The following TSG101 variants were observed in gnomAD, a reference collection of about 807,000 sequenced individuals.
TSG101 encodes the protein tumor susceptibility gene 101 protein.
A neutral mutation model predicts 48.5 loss-of-function variants in TSG101; 19 were observed. The observed-to-expected ratio is 0.39, with a 90% CI of 0.27 to 0.58. TSG101 has a LOEUF of 0.58. Ranked by LOEUF, TSG101 falls within the 20% of genes least tolerant of loss-of-function variation. The pLI is 0.55. For missense variants in TSG101, 365 were observed against 484.4 expected, an observed-to-expected ratio of 0.75 and a Z score of 2.31; for synonymous variants, 174 against 169.4, an observed-to-expected ratio of 1.03 and a Z score of -0.21.
At chr11:18,523,729 T>C (rs2133935923) in intron 1 of TSG101, among the ~76,000 whole-genome samples, 1 of 152,338 alleles carries the variant, frequency 6.6e-6, no homozygotes, top group Non-Finnish European at 1.5e-5. Context: ...CCAAAACTCC[T>C]GACCTCAAGT....
intron 1 of TSG101, among the ~76,000 whole-genome samples, chr11:18,522,565 C>T (rs72871768): frequency 6.6e-6 from 1 of 152,158 alleles, no homozygotes; most frequent in African/African-American, 2.4e-5. Flanking sequence ...AGCCTCCTTA[C>T]GTGTCTCTGC....
chr11:18,516,506 G>A (rs1023325718), intron 2 of TSG101, among the ~76,000 whole-genome samples: 2 of 151,674 alleles, frequency 1.3e-5, no homozygotes, highest in African/African-American at 4.8e-5. Context: ...CACCACACCT[G>A]ACTAATTTTT....
At chr11:18,494,436 C>T (rs1849745388) in intron 7 of TSG101, among the ~76,000 whole-genome samples, 1 of 152,214 alleles carries the variant, frequency 6.6e-6, no homozygotes, top group Non-Finnish European at 1.5e-5. Flanking sequence ...TCAGCTTCTC[C>T]TACCTTTCCT....
chr11:18,480,694 A>AAAT (rs1429587066), intron 9 of TSG101, 59 bp from the exon 10 acceptor site: 3 of 1,508,382 alleles, frequency 2.0e-6, no homozygotes, highest in Non-Finnish European at 2.7e-6. Context: ...CCCAGGCATA[A>AAAT]AATAGACAAT....
chr11:18,498,357 C>CA (rs1231250808), intron 7 of TSG101, among the ~76,000 whole-genome samples: 2 of 151,848 alleles, frequency 1.3e-5, no homozygotes, highest in East Asian at 1.9e-4. Context: ...GCTGCTGTGT[C>CA]AAAAAAGAGA....
chr11:18,519,566 T>C lies in TSG101; in HGVS notation c.80A>G (p.Asn27Ser), dbSNP rs148985120. The C allele has an allele frequency of 7.3e-4, 1,170 of 1,613,108 alleles. No individual in the cohort carries two copies. Among genetic ancestry groups the C allele is most frequent in the Non-Finnish European group, 9.4e-4 (1,109 of 1,179,692 alleles). ...GAGATCTTTGTATAGAGTAATAACA[T>C]TGACAGTTTCACGTACAGTTAGGTC... is the stretch of plus-strand genomic sequence containing the variant. ...YRDLTVRETV[N>S]VITLYKDLKP... Residue 27 changes from asparagine (N) to serine (S), a missense_variant, in exon 2 of 10, where the codon AAT (asparagine) becomes AGT (serine). Physicochemically the swap from Asn to Ser is conservative, Grantham distance 46 (BLOSUM62 1). Transcript: ENST00000251968.
At chr11:18,483,814 C>T in intron 8 of TSG101, 56 bp downstream of exon 8, 4 of 1,585,250 alleles carry the variant, frequency 2.5e-6, no homozygotes, top group Non-Finnish European at 3.5e-6. Flanking sequence ...ATATAGAACA[C>T]TCTGCCATGG....
rs145241217 is a variant in TSG101 at position 18,492,715 on chromosome 11, T to C, written c.641-8643A>G. Among the ~76,000 whole-genome samples the C allele has an allele frequency of 1.5e-3, 222 of 149,782 alleles. 1 individual carries two copies. The highest frequency in any genetic ancestry group is 4.9e-3 in the African/African-American group (198 of 40,738). Reference sequence around the variant, plus strand: ...GACCTAGTCTTATCTCTATCACACATAGACTTCACTGTGAAGTATATCTAA... The same window carrying C: ...GACCTAGTCTTATCTCTATCACACACAGACTTCACTGTGAAGTATATCTAA... On this transcript the variant is annotated intron_variant, in intron 7 of 9. Coordinates refer to ENST00000251968, the MANE Select transcript of TSG101 (RefSeq NM_006292.4).
chr11:18,483,300 G>A (rs1196746184), intron 8 of TSG101, among the ~76,000 whole-genome samples: 2 of 152,022 alleles, frequency 1.3e-5, no homozygotes, highest in East Asian at 3.9e-4. Context: ...TTCGGGACGA[G>A]CCTGGCCAAC....
At chr11:18,489,119 A>G (rs1565083171) in intron 7 of TSG101, among the ~76,000 whole-genome samples, 1 of 152,116 alleles carries the variant, frequency 6.6e-6, no homozygotes, top group Non-Finnish European at 1.5e-5. Context: ...ATCTCAAAAA[A>G]AAAAAAGGAT....
At chr11:18,510,402 C>A (rs1324751998) in intron 4 of TSG101, among the ~76,000 whole-genome samples, 1 of 152,088 alleles carries the variant, frequency 6.6e-6, no homozygotes, top group African/African-American at 2.4e-5. Flanking sequence ...TCCTAGGCGA[C>A]AGAGCAAGAC....
At chr11:18,489,414 T>TA (rs1447066093) in intron 7 of TSG101, among the ~76,000 whole-genome samples, 2 of 152,108 alleles carry the variant, frequency 1.3e-5, no homozygotes, top group Non-Finnish European at 2.9e-5. Flanking sequence ...AGATTATTCT[T>TA]AAAGGTATTA....
rs922494578 is a variant in TSG101 at position 18,521,103 on chromosome 11, C to T, written c.43-1500G>A. Among the ~76,000 whole-genome samples the T allele has an allele frequency of 5.9e-5, 9 of 151,832 alleles. No individual in the cohort carries two copies. In the South Asian group the frequency reaches 6.2e-4, roughly 10 times the overall value. ...GGTAAGATCACTTCATAGAGGATAA[C>T]GTTTTTTCATCATGGAGCACAATAT... On this transcript the variant is annotated intron_variant, in intron 1 of 9. Transcript: ENST00000251968.
chr11:18,521,669 C>CTTTTTTTTT (rs1565096217), intron 1 of TSG101, among the ~76,000 whole-genome samples: 2 of 111,440 alleles, frequency 1.8e-5, no homozygotes, highest in Non-Finnish European at 1.8e-5. Context: ...CTGGCCCCTT[C>CTTTTTTTTT]CTTTTTTTTT....
chr11:18,482,557 G>A (rs1015071451), intron 8 of TSG101, among the ~76,000 whole-genome samples: 8 of 152,194 alleles, frequency 5.3e-5, no homozygotes, highest in Non-Finnish European at 1.2e-4. Context: ...GCGTGAAATT[G>A]GCACTTCAAT....
chr11:18,496,581 C>T (rs914252402), intron 7 of TSG101, among the ~76,000 whole-genome samples: 5 of 151,824 alleles, frequency 3.3e-5, no homozygotes, highest in African/African-American at 7.3e-5. Context: ...ATCTGTAATC[C>T]GGGAGGCCAG....
chr11:18,525,840 A>G (rs1850363632), intron 1 of TSG101: 1 of 260,922 alleles, frequency 3.8e-6, no homozygotes, highest in Admixed American at 6.5e-5. Context: ...TATGGGGGCG[A>G]TTTAACTGGA....
rs190218976 is a variant in TSG101 at position 18,508,799 on chromosome 11, G to A, written c.481+743C>T. The A allele has an allele frequency of 1.5e-4, 22 of 149,150 alleles. 1 individual carries two copies. The East Asian group carries it at 2.7e-3, about 19-fold the overall frequency. 9.2% of individuals were successfully genotyped at this position (149,150 alleles called of 1,614,324 possible). A position where few individuals can be genotyped will look rare whatever the true frequency, so the allele number is the denominator to read the frequency against. On this transcript the variant is annotated intron_variant, in intron 5 of 9. Transcript: ENST00000251968. ...AATGAAAGCACATATAATTTGTCTT[G>A]TAAGATAAACAAGTTTGGTTAATTA...
At chr11:18,499,642 ACCTCGCAATCTGC>A (rs1386722944) in intron 7 of TSG101, among the ~76,000 whole-genome samples, 59 of 150,796 alleles carry the variant, frequency 3.9e-4, no homozygotes, top group African/African-American at 1.4e-3. Flanking sequence ...CCAACTCCTG[ACCTCGCAATCTGC>A]CCGCCTTGGC....
Sources: gnomAD v4.1 joint callset for allele counts (sites outside exome capture counted in the v4.1 genomes callset) on GRCh38, gnomAD v4.1.1 for gene constraint, MANE v1.5 for transcripts, NCBI Gene and HGNC (gene_info 2026-07-23, HGNC 2026-07-21) for gene names.